LIMCH1: variants seen among roughly 807,000 people sequenced by gnomAD.
LIMCH1 encodes LIM and calponin homology domains-containing protein 1.
A neutral mutation model predicts 176.5 loss-of-function variants in LIMCH1; 113 were observed. The ratio of observed to expected loss-of-function variants is 0.64; its 90% CI spans 0.55 to 0.75. The LOEUF is 0.75. Ranked by LOEUF, LIMCH1 falls within the 30% of genes least tolerant of loss-of-function variation. The pLI is 0.00. For missense variants in LIMCH1, 1,674 were observed against 1,814.9 expected, an observed-to-expected ratio of 0.92 and a Z score of 1.41; for synonymous variants, 619 against 645.9, an observed-to-expected ratio of 0.96 and a Z score of 0.63.
chr4:41,474,949 G>A (rs552546308), intron 1 of LIMCH1, among the ~76,000 whole-genome samples: 6 of 151,950 alleles, frequency 3.9e-5, no homozygotes, highest in African/African-American at 1.4e-4. Context: ...TTAAAATGTG[G>A]TATATATACA....
At chr4:41,486,850 C>T (rs1210107364) in intron 1 of LIMCH1, among the ~76,000 whole-genome samples, 5 of 150,372 alleles carry the variant, frequency 3.3e-5, no homozygotes, top group African/African-American at 9.8e-5. Flanking sequence ...GGTGTGATCT[C>T]GGCTCACTGC....
At chr4:41,438,376 C>CTT (rs540920543) in intron 1 of LIMCH1, among the ~76,000 whole-genome samples, 1 of 146,796 alleles carries the variant, frequency 6.8e-6, no homozygotes. Context: ...CTTTTCTTTT[C>CTT]TTTTTTTTTT....
intron 1 of LIMCH1, among the ~76,000 whole-genome samples, chr4:41,550,392 C>G (rs529961053): frequency 6.6e-6 from 1 of 151,942 alleles, no homozygotes; most frequent in South Asian, 2.1e-4. Context: ...AAAAAATGAG[C>G]CTTCTACTTT....
upstream of LIMCH1, chr4:41,360,711 G>A (rs1214645833): frequency 1.9e-5 from 10 of 527,794 alleles, no homozygotes; most frequent in African/African-American, 1.8e-4. The surrounding 1 kb of genome is among the most constrained non-coding windows in gnomAD (Gnocchi z 4.5). Context: ...CGGGACCTGC[G>A]CCGGCCGGGG....
At position 41,415,756 on chromosome 4, in the gene LIMCH1, T is replaced by C. The variant is rs2059867171; in HGVS notation, c.96+54820T>C. Among the ~76,000 whole-genome samples, 3 of 152,064 alleles carry C rather than the reference T, an allele frequency of 2.0e-5. No homozygotes were observed. The South Asian group carries it at 6.2e-4, about 32-fold the overall frequency. ...ACTTTGGGAGGTCAGGGCAGGCAGATCGCGAGGTCAGGAGTTAGAGGCCAG... is the reference window on the plus strand; with the variant it reads ...ACTTTGGGAGGTCAGGGCAGGCAGACCGCGAGGTCAGGAGTTAGAGGCCAG... On this transcript the variant is annotated intron_variant, in intron 1 of 26. Coordinates refer to the LIMCH1 transcript ENST00000313860.
At chr4:41,482,520 G>A (rs1388975526) in intron 1 of LIMCH1, among the ~76,000 whole-genome samples, 1 of 151,430 alleles carries the variant, frequency 6.6e-6, no homozygotes, top group Non-Finnish European at 1.5e-5. Context: ...TGGAGGGAGA[G>A]GGTGACTGTC....
intron 1 of LIMCH1, among the ~76,000 whole-genome samples, chr4:41,490,788 T>G (rs1459070878): frequency 6.6e-6 from 1 of 152,254 alleles, no homozygotes; most frequent in Non-Finnish European, 1.5e-5. Flanking sequence ...CGATGATCGC[T>G]GTCTCTTCGG....
intron 1 of LIMCH1, among the ~76,000 whole-genome samples, chr4:41,477,383 A>G (rs1398342493): frequency 6.6e-6 from 1 of 152,216 alleles, no homozygotes; most frequent in Non-Finnish European, 1.5e-5. Context: ...TTTAGCAAAG[A>G]GAGCTCAGGC....
At chr4:41,419,159 TTTTATTTCATTTTATTTTATTTAATTTTA>T (rs1422697142) in intron 1 of LIMCH1, among the ~76,000 whole-genome samples, 4,541 of 114,772 alleles carry the variant, frequency 0.04, 112 homozygotes, top group South Asian at 0.047. Context: ...TTTTATTTTA[TTTTATTTCATTTTATTTTATTTAATTTTA>T]TTATTTTGAG....
intron 3 of LIMCH1, among the ~76,000 whole-genome samples, chr4:41,528,128 C>CATG (rs61436046): frequency 0.18 from 27,027 of 151,688 alleles, 3,850 homozygotes; most frequent in African/African-American, 0.4. Flanking sequence ...AATGAAATGT[C>CATG]ATGTATACAA....
chr4:41,530,822 T>TAAAAAA (rs1345989713), intron 3 of LIMCH1, among the ~76,000 whole-genome samples: 1,682 of 72,896 alleles, frequency 0.023, 21 homozygotes, highest in East Asian at 0.04. Context: ...AAAAAAAATT[T>TAAAAAA]TTTTTTTTTT....
intron 21 of LIMCH1, among the ~76,000 whole-genome samples, chr4:41,667,058 G>C (rs1397752060): frequency 6.6e-6 from 1 of 151,474 alleles, no homozygotes. Flanking sequence ...AGTGAGCTGA[G>C]ATCATGCCAC....
At position 41,518,240 on chromosome 4, in the gene LIMCH1, C is replaced by G. The variant is rs553605574; in HGVS notation, c.168-6169C>G. ...ATATAAGCTGCCCATTGCTATAATT[C>G]CTAACGTCTAGATGGTCTCATAAGG... On this transcript the variant is annotated intron_variant, in intron 2 of 26. Transcript: ENST00000313860. Among the ~76,000 whole-genome samples, 34 of 152,212 alleles carry G rather than the reference C, an allele frequency of 2.2e-4. 1 individual carries two copies. Among genetic ancestry groups the G allele is most frequent in the African/African-American group, 7.7e-4 (32 of 41,536 alleles).
In LIMCH1 at chr4:41,638,996, A is replaced by G. The variant is rs751369914; in HGVS notation, c.2126+29A>G. 4.6e-6 allele frequency: 7 copies of G among 1,536,728 alleles called. No individual in the cohort carries two copies. In the East Asian group the frequency reaches 1.4e-4, roughly 30 times the overall value. Reference sequence around the variant, plus strand: ...AGTTGCCTTGTATTTGTAGGATTACATTAATTACTAGCCTAAACTGCATGC... The same window carrying G: ...AGTTGCCTTGTATTTGTAGGATTACGTTAATTACTAGCCTAAACTGCATGC... On this transcript the variant is annotated intron_variant, in intron 14 of 31. Transcript: ENST00000503057.
chr4:41,510,457 TG>T (rs2074744655), intron 2 of LIMCH1, among the ~76,000 whole-genome samples: 1 of 152,218 alleles, frequency 6.6e-6, no homozygotes. Context: ...TCTAATGGGC[TG>T]TCAGGCTTGG....
chr4:41,554,395 A>G (rs2080954295), intron 1 of LIMCH1, among the ~76,000 whole-genome samples: 1 of 152,126 alleles, frequency 6.6e-6, no homozygotes, highest in Non-Finnish European at 1.5e-5. Context: ...GCATGTGCTC[A>G]TGCTTCCCAA....
intron 1 of LIMCH1, among the ~76,000 whole-genome samples, chr4:41,376,274 A>G (rs905669715): frequency 2.0e-5 from 3 of 152,206 alleles, no homozygotes; most frequent in Non-Finnish European, 2.9e-5. Flanking sequence ...TAGTTGTTCA[A>G]TCTCTGCCAC....
chr4:41,619,269 C>T lies in LIMCH1; in HGVS notation c.287C>T (p.Thr96Ile). The T allele has an allele frequency of 1.2e-6, 2 of 1,614,226 alleles. No homozygotes were observed. The highest frequency in any genetic ancestry group is 1.7e-6 in the Non-Finnish European group (2 of 1,180,046). ...AAGGATGACATGTCTGCACGGCGGA[C>T]TTCCCATGGTGAGCCGAAATCAGCA... ...VKKDDMSARR[T>I]SHGEPKSAVP... The change falls in exon 6 of 32, where the codon ACT becomes ATT. Residue 96 changes from threonine (T) to isoleucine (I), a missense_variant. This residue lies in a region of LIMCH1 where 655 missense variants were observed against 692.2 expected (regional missense o/e 0.95). Coordinates refer to ENST00000503057, the MANE Select transcript of LIMCH1 (RefSeq NM_001330672.2).
In LIMCH1 at chr4:41,626,855, T is replaced by C; in HGVS notation, c.873T>C (p.Phe291=). ...CRLPDLEKDD[F]AARRARMNQT... is the part of the protein sequence containing the mutation. The stretch of plus-strand genomic sequence containing the variant: ...TGCCTGATCTTGAGAAGGATGACTT[T>C]GCTGCAAGGAGAGCAAGGATGAACC... Residue 291 remains phenylalanine (F), a synonymous_variant, in exon 8 of 32, where the codon TTT becomes TTC. Coordinates refer to ENST00000503057, the MANE Select transcript of LIMCH1 (RefSeq NM_001330672.2). 2.0e-6 allele frequency: 3 copies of C among 1,536,190 alleles called. No individual in the cohort carries two copies. Among genetic ancestry groups the C allele is most frequent in the Non-Finnish European group, 2.6e-6 (3 of 1,146,936 alleles).
Sources: allele counts gnomAD v4.1 joint callset (sites outside exome capture counted in the v4.1 genomes callset), GRCh38; gene constraint gnomAD v4.1.1; regional missense constraint gnomAD v4.1.1; non-coding constraint Gnocchi (gnomAD v3.1); transcripts MANE v1.5; gene names NCBI Gene and HGNC (gene_info 2026-07-23, HGNC 2026-07-21).